Variants in THAP12 observed in about 807,000 individuals in gnomAD.
THAP12 encodes 52 kDa repressor of the inhibitor of the protein kinase.
A neutral mutation model predicts 63.0 loss-of-function variants in THAP12; 20 were observed. The observed-to-expected ratio is 0.32, with a 90% CI of 0.22 to 0.46. The LOEUF is 0.46. THAP12 is among the 20% of genes least tolerant of loss of function. THAP12 has a pLI of 1.00. For missense variants in THAP12, 568 were observed against 908.2 expected (o/e 0.63, Z 4.81); for synonymous variants, 264 against 328.4 (o/e 0.80, Z 2.12).
At chr11:76,361,903 G>A (rs916383396) in intron 2 of THAP12, among the ~76,000 whole-genome samples, 2 of 152,056 alleles carry the variant, frequency 1.3e-5, no homozygotes, top group Non-Finnish European at 2.9e-5. Context: ...CAACTCTCAC[G>A]CCACAAGTGA....
intron 3 of THAP12, chr11:76,356,864 G>A (rs1027687050): frequency 6.6e-6 from 1 of 152,210 alleles, no homozygotes; most frequent in African/African-American, 2.4e-5. Context: ...CCAACATGGA[G>A]AACCCTCGTC....
chr11:76,370,315 T>C (rs1394002918), intron 1 of THAP12, among the ~76,000 whole-genome samples: 1 of 152,018 alleles, frequency 6.6e-6, no homozygotes, highest in Non-Finnish European at 1.5e-5. Context: ...ACTCTGAAAA[T>C]CCAACATGAT....
At chr11:76,376,283 T>C (rs879343801) in intron 1 of THAP12, among the ~76,000 whole-genome samples, 2 of 152,232 alleles carry the variant, frequency 1.3e-5, no homozygotes, top group Non-Finnish European at 2.9e-5. Context: ...TATATGTGAA[T>C]TGCATCTCAA....
At chr11:76,371,210 T>C (rs895637504) in intron 1 of THAP12, among the ~76,000 whole-genome samples, 1 of 152,230 alleles carries the variant, frequency 6.6e-6, no homozygotes, top group African/African-American at 2.4e-5. Context: ...AATTTGAGAA[T>C]GTCTCTCCCA....
intron 1 of THAP12, among the ~76,000 whole-genome samples, chr11:76,375,879 T>G (rs1462893215): frequency 6.6e-6 from 1 of 152,182 alleles, no homozygotes; most frequent in Non-Finnish European, 1.5e-5. Context: ...ACAGTAGAAC[T>G]TAAAATCATG....
intron 1 of THAP12, among the ~76,000 whole-genome samples, chr11:76,376,624 GTTT>G (rs11300199): frequency 1.2e-4 from 16 of 130,870 alleles, no homozygotes; most frequent in Admixed American, 7.1e-4. Flanking sequence ...TGTTTTTTTT[GTTT>G]TTTTTTTTTT....
intron 3 of THAP12, 24 bp downstream of exon 3, chr11:76,360,932 A>G: frequency 6.7e-7 from 1 of 1,485,054 alleles, no homozygotes; most frequent in Non-Finnish European, 9.4e-7. Context: ...GGAAGGTGGG[A>G]AAGCTGAAAG....
At position 76,369,108 on chromosome 11, in the gene THAP12, G is replaced by T. The variant is rs537472809; in HGVS notation, c.90-3136C>A. Among the ~76,000 whole-genome samples the T allele has an allele frequency of 4.5e-4, 69 of 151,754 alleles. 1 individual carries two copies. Among genetic ancestry groups the T allele is most frequent in the African/African-American group, 1.6e-3 (67 of 41,368 alleles). ...TGAACAGGCACTTTATAATAAAAAG[G>T]TTATAAAAATGGCAATACATAGATG... On this transcript the variant is annotated intron_variant, in intron 1 of 4. Coordinates refer to ENST00000260045, the MANE Select transcript of THAP12 (RefSeq NM_004705.4).
intron 1 of THAP12, among the ~76,000 whole-genome samples, chr11:76,379,603 T>C: frequency 6.6e-6 from 1 of 152,182 alleles, no homozygotes; most frequent in East Asian, 1.9e-4. Context: ...TTGCTCAAAT[T>C]CACCTTCTTA....
At chr11:76,378,693 C>A (rs962608808) in intron 1 of THAP12, among the ~76,000 whole-genome samples, 19 of 151,818 alleles carry the variant, frequency 1.3e-4, no homozygotes, top group African/African-American at 4.6e-4. Context: ...CTCACTGCAA[C>A]CTCTGCCTCC....
At position 76,380,757 on chromosome 11, in the gene THAP12, T is replaced by C; in HGVS notation, c.80A>G (p.Asp27Gly). 6.9e-7 allele frequency: 1 copy of C among 1,453,926 alleles called. No individual in the cohort carries two copies. The highest frequency in any genetic ancestry group is 9.1e-7 in the Non-Finnish European group (1 of 1,096,276). 90.1% of individuals were successfully genotyped at this position (1,453,926 alleles called of 1,614,324 possible). A position where few individuals can be genotyped will look rare whatever the true frequency, so the allele number is the denominator to read the frequency against. ...TGCGCCCGCCGCTTACCTGGCAGGG[T>C]CCCGCGGGAACCTGAAGAAGGCCAA... Reference protein sequence around the residue: ...SDLAFFRFPRDPARCQKWVEN... With the variant: ...SDLAFFRFPRGPARCQKWVEN... Residue 27 changes from aspartate to glycine, a missense_variant, in exon 1 of 5, where the codon GAC (aspartate) becomes GGC (glycine). By Grantham distance (94) the Asp-to-Gly change is moderately conservative. Coordinates refer to ENST00000260045, the MANE Select transcript of THAP12 (RefSeq NM_004705.4).
At chr11:76,363,517 G>A (rs1946611627) in intron 2 of THAP12, among the ~76,000 whole-genome samples, 1 of 152,112 alleles carries the variant, frequency 6.6e-6, no homozygotes, top group Non-Finnish European at 1.5e-5. Context: ...CTACTGATGA[G>A]ATCTTCAATG....
In THAP12 at chr11:76,371,660, T is replaced by C. The variant is rs528572409; in HGVS notation, c.90-5688A>G. 3.9e-5 allele frequency among the ~76,000 whole-genome samples: 6 copies of C among 151,966 alleles called. No individual in the cohort carries two copies. In the East Asian group the frequency reaches 7.7e-4, roughly 20 times the overall value. On this transcript the variant is annotated intron_variant, in intron 1 of 4. Transcript: ENST00000260045. ...CATCCATTTGGACTGCATCCACTTA[T>C]CTTGTTGTACTGTCTCCTTAATCAA...
intron 1 of THAP12, among the ~76,000 whole-genome samples, chr11:76,378,634 C>T (rs1419406639): frequency 6.6e-6 from 1 of 150,396 alleles, no homozygotes; most frequent in Admixed American, 6.6e-5. Context: ...TTTCTTGAGA[C>T]GGAGTCTTGT....
chr11:76,379,756 T>TC (rs774776151), intron 1 of THAP12, among the ~76,000 whole-genome samples: 236 of 151,866 alleles, frequency 1.6e-3, no homozygotes, highest in South Asian at 7.5e-3. Context: ...ACTTGTTTAT[T>TC]CCCCCCCCAT....
chr11:76,359,005 C>T (rs1946579943), intron 3 of THAP12: 1 of 151,996 alleles, frequency 6.6e-6, no homozygotes, highest in South Asian at 2.1e-4. Context: ...ATAATAAGAA[C>T]TGAAAGAGAC....
chr11:76,352,570 C>T lies in THAP12; in HGVS notation c.580G>A (p.Gly194Ser). 6.2e-7 allele frequency: 1 copy of T among 1,611,996 alleles called. No individual in the cohort carries two copies. Among genetic ancestry groups the T allele is most frequent in the Non-Finnish European group, 8.5e-7 (1 of 1,179,828 alleles). Reference sequence around the variant, plus strand: ...TGAAAGTTATCTGGAGTAAAGAGACCTTCTGGGATTTCATCAGCCTCATGT... The same window carrying T: ...TGAAAGTTATCTGGAGTAAAGAGACTTTCTGGGATTTCATCAGCCTCATGT... The part of the protein sequence containing the change: ...DGHEADEIPE[G>S]LFTPDNFQAL... The change falls in exon 5 of 5, where the codon GGT (glycine) becomes AGT (serine). Residue 194 changes from glycine (G) to serine (S), a missense_variant. Transcript: ENST00000260045.
chr11:76,365,807 G>A (rs1486794545), intron 2 of THAP12, 45 bp downstream of exon 2: 1 of 1,587,546 alleles, frequency 6.3e-7, no homozygotes, highest in South Asian at 1.1e-5. Context: ...GTGAGAGAGA[G>A]AAATCAAGTC....
chr11:76,377,535 G>A (rs887493277), intron 1 of THAP12, among the ~76,000 whole-genome samples: 1 of 152,148 alleles, frequency 6.6e-6, no homozygotes, highest in South Asian at 2.1e-4. Context: ...CTTTCACTTA[G>A]CATAATGTTT....
Sources: gnomAD v4.1 joint callset for allele counts (sites outside exome capture counted in the v4.1 genomes callset) on GRCh38, gnomAD v4.1.1 for gene constraint, MANE v1.5 for transcripts, NCBI Gene and HGNC (gene_info 2026-07-23, HGNC 2026-07-21) for gene names.